The following HS6ST3 variants were observed in gnomAD, a reference collection of about 807,000 sequenced individuals.
HS6ST3 encodes heparan sulfate 6-O-sulfotransferase 3, also known as heparan-sulfate 6-O-sulfotransferase 3.
A neutral mutation model predicts 36.7 loss-of-function variants in HS6ST3; 12 were observed. The ratio of observed to expected loss-of-function variants is 0.33; its 90% CI spans 0.21 to 0.53. The LOEUF is 0.53. HS6ST3 is among the 20% of genes least tolerant of loss of function. The pLI, the probability that HS6ST3 is intolerant of heterozygous loss-of-function variation, is 0.95. For missense variants in HS6ST3, 584 were observed against 640.9 expected (o/e 0.91, Z 0.96); for synonymous variants, 240 against 257.5 (o/e 0.93, Z 0.65).
chr13:96,661,873 A>G (rs2056647621), intron 1 of HS6ST3, among the ~76,000 whole-genome samples: 2 of 152,172 alleles, frequency 1.3e-5, no homozygotes, highest in Admixed American at 1.3e-4. Context: ...AGCAGGATAC[A>G]AAATTCTTTT....
At chr13:96,301,546 G>A (rs2139403794) in intron 1 of HS6ST3, among the ~76,000 whole-genome samples, 1 of 152,228 alleles carries the variant, frequency 6.6e-6, no homozygotes, top group African/African-American at 2.4e-5. Context: ...ACTTCTCTGA[G>A]CCTCTGGATC....
intron 1 of HS6ST3, among the ~76,000 whole-genome samples, chr13:96,458,137 C>G (rs887668196): frequency 2.0e-5 from 3 of 152,122 alleles, no homozygotes; most frequent in African/African-American, 7.2e-5. Context: ...GCTTTGTATT[C>G]TGTATTCCCA....
rs547624612 is a variant in HS6ST3 at position 96,627,372 on chromosome 13, A to G, written c.708-205118A>G. ...ATCTTGTATTCATGGAATGAAGACA[A>G]CTTGGCTATGTTGAGCGTCTTTTTA... On this transcript the variant is annotated intron_variant, in intron 1 of 1. Transcript: ENST00000376705. Among the ~76,000 whole-genome samples the G allele has an allele frequency of 2.6e-5, 4 of 152,138 alleles. No individual in the cohort carries two copies. In the East Asian group the frequency reaches 7.7e-4, roughly 29 times the overall value.
At chr13:96,101,815 G>A (rs2053819570) in intron 1 of HS6ST3, among the ~76,000 whole-genome samples, 1 of 152,064 alleles carries the variant, frequency 6.6e-6, no homozygotes, top group South Asian at 2.1e-4. Context: ...CTCTGTCATT[G>A]TACCGCCTTA....
chr13:96,410,812 C>T (rs910235825), intron 1 of HS6ST3, among the ~76,000 whole-genome samples: 4 of 152,188 alleles, frequency 2.6e-5, no homozygotes, highest in African/African-American at 4.8e-5. Flanking sequence ...GAAGCAAATA[C>T]ATCTAAATGC....
chr13:96,670,708 A>G (rs183253791), intron 1 of HS6ST3, among the ~76,000 whole-genome samples: 26 of 152,286 alleles, frequency 1.7e-4, no homozygotes, highest in Admixed American at 5.9e-4. Context: ...TTCTTTTTAT[A>G]TTTTTGAATT....
chr13:96,231,655 T>C (rs968483445), intron 1 of HS6ST3, among the ~76,000 whole-genome samples: 29 of 152,126 alleles, frequency 1.9e-4, no homozygotes, highest in Non-Finnish European at 3.4e-4. Context: ...GGATTTACAA[T>C]TGGACATGAG....
chr13:96,633,177 G>A (rs1013037024), intron 1 of HS6ST3, among the ~76,000 whole-genome samples: 8 of 152,120 alleles, frequency 5.3e-5, no homozygotes, highest in African/African-American at 1.2e-4. Context: ...CAGCAGGGAC[G>A]GTGTTCCTTG....
chr13:96,435,584 G>A (rs900083105), intron 1 of HS6ST3, among the ~76,000 whole-genome samples: 1 of 152,112 alleles, frequency 6.6e-6, no homozygotes, highest in Non-Finnish European at 1.5e-5. Context: ...TAATCTGTAA[G>A]TCTCCCGAGG....
chr13:96,782,627 C>T (rs976294609), intron 1 of HS6ST3, among the ~76,000 whole-genome samples: 2 of 152,066 alleles, frequency 1.3e-5, no homozygotes, highest in Non-Finnish European at 2.9e-5. Flanking sequence ...TTAAGTTCCC[C>T]GTGCCTGGCT....
intron 1 of HS6ST3, among the ~76,000 whole-genome samples, chr13:96,417,503 G>T (rs996453742): frequency 6.6e-6 from 1 of 151,320 alleles, no homozygotes; most frequent in African/African-American, 2.4e-5. Context: ...ACTAGACTTG[G>T]ATGTCTATGA....
At chr13:96,554,694 C>T (rs1197318756) in intron 1 of HS6ST3, among the ~76,000 whole-genome samples, 1 of 152,082 alleles carries the variant, frequency 6.6e-6, no homozygotes, top group African/African-American at 2.4e-5. Flanking sequence ...GAGCCTAGGG[C>T]CATAGTGCAG....
chr13:96,752,022 G>A (rs1254587799), intron 1 of HS6ST3, among the ~76,000 whole-genome samples: 1 of 151,926 alleles, frequency 6.6e-6, no homozygotes, highest in East Asian at 1.9e-4. Context: ...GGTCTCCCAC[G>A]TGCTCCTGTA....
intron 1 of HS6ST3, among the ~76,000 whole-genome samples, chr13:96,238,752 C>T (rs2054546464): frequency 6.6e-6 from 1 of 152,210 alleles, no homozygotes; most frequent in African/African-American, 2.4e-5. Flanking sequence ...TACCCCAGTA[C>T]CCAGCACAGT....
intron 1 of HS6ST3, among the ~76,000 whole-genome samples, chr13:96,644,398 A>G (rs1055164383): frequency 1.3e-5 from 2 of 152,050 alleles, no homozygotes; most frequent in African/African-American, 2.4e-5. Flanking sequence ...TTAAAGGTAT[A>G]TGAAGCCCCA....
At chr13:96,618,379 G>A (rs1031038947) in intron 1 of HS6ST3, among the ~76,000 whole-genome samples, 13 of 152,100 alleles carry the variant, frequency 8.5e-5, no homozygotes, top group Non-Finnish European at 1.3e-4. Context: ...GAGATTACAG[G>A]CATGAACCAT....
chr13:96,304,711 CTTTTTTTTT>C (rs61314597), intron 1 of HS6ST3, among the ~76,000 whole-genome samples: 3 of 89,324 alleles, frequency 3.4e-5, no homozygotes, highest in African/African-American at 8.8e-5. Flanking sequence ...TTCTTTCTTT[CTTTTTTTTT>C]TTTTTTTTTT....
chr13:96,492,285 A>G (rs17268714), intron 1 of HS6ST3, among the ~76,000 whole-genome samples: 6,922 of 152,194 alleles, frequency 0.045, 216 homozygotes, highest in Middle Eastern at 0.075. Flanking sequence ...AACTAAAAAG[A>G]CTCTCAGTTC....
intron 1 of HS6ST3, among the ~76,000 whole-genome samples, chr13:96,228,532 C>T (rs776677521): frequency 1.3e-5 from 2 of 152,102 alleles, no homozygotes; most frequent in African/African-American, 4.8e-5. Context: ...TCCCAAAGTG[C>T]GAGGATTACA....
Sources: allele counts gnomAD v4.1 joint callset (sites outside exome capture counted in the v4.1 genomes callset), GRCh38; gene constraint gnomAD v4.1.1; transcripts MANE v1.5; gene names NCBI Gene and HGNC (gene_info 2026-07-23, HGNC 2026-07-21).